The following CATSPER1 variants were observed in gnomAD, a reference collection of about 807,000 sequenced individuals.
CATSPER1 encodes the protein cation channel sperm-associated protein 1.
Under a neutral mutation model 72.7 loss-of-function variants are expected in CATSPER1, and 57 were observed. The ratio of observed to expected loss-of-function variants is 0.78; its 90% CI spans 0.63 to 0.98. The LOEUF is 0.98. Among genes scored for constraint, CATSPER1 ranks in the 50% least tolerant of loss-of-function variants. The pLI is 0.00. For missense variants in CATSPER1, 910 were observed against 1,033.9 expected, an observed-to-expected ratio of 0.88 and a Z score of 1.64; for synonymous variants, 363 against 403.0, an observed-to-expected ratio of 0.90 and a Z score of 1.19.
At position 66,016,945 on chromosome 11, in the gene CATSPER1, T is replaced by C. The variant is rs1288239762; in HGVS notation, c.2317-29A>G. 3 of 1,613,822 alleles carry C rather than the reference T, an allele frequency of 1.9e-6. No homozygotes were observed. In the African/African-American group the frequency reaches 4.0e-5, roughly 22 times the overall value. On this transcript the variant is annotated intron_variant, in intron 11 of 11. Coordinates refer to ENST00000312106, the MANE Select transcript of CATSPER1 (RefSeq NM_053054.4). The stretch of plus-strand genomic sequence containing the variant: ...CAGGGGTGAGTGGGGCACTGGTGGG[T>C]GAATGAGCCAGACTTTGCCTTCCCC...
chr11:66,017,187 G>GA lies in CATSPER1; in HGVS notation c.2202-14_2202-13insT. 7.0e-7 allele frequency: 1 copy of GA among 1,425,260 alleles called. No individual in the cohort carries two copies. Among genetic ancestry groups the GA allele is most frequent in the Non-Finnish European group, 9.7e-7 (1 of 1,032,170 alleles). The allele number at this position is 1,425,260 out of a possible 1,614,324, so 88.3% of individuals were successfully genotyped here. A position where few individuals can be genotyped will look rare whatever the true frequency, so the allele number is the denominator to read the frequency against. On this transcript the variant is annotated splice_polypyrimidine_tract_variant and intron_variant, in intron 10 of 11. Transcript: ENST00000312106. ...GAGCTCCTGCTGCCTGCGGGTGGGC[G>GA]GGGGGGTCGCAGAGACAGGGGCTGG...
chr11:66,017,019 G>T, intron 11 of CATSPER1, 41 bp downstream of exon 11: 3 of 1,612,258 alleles, frequency 1.9e-6, no homozygotes, highest in Non-Finnish European at 2.5e-6. Context: ...AAGCCCCTGG[G>T]GTTCCCCTCG....
In CATSPER1 at chr11:66,023,026, A is replaced by G; in HGVS notation, c.1252T>C (p.Ser418Pro). The change falls in exon 2 of 12, where the codon TCT (serine) becomes CCT (proline). Residue 418 changes from serine (S) to proline (P), a missense_variant. By Grantham distance (74) the Ser-to-Pro change is moderately conservative. Coordinates refer to ENST00000312106, the MANE Select transcript of CATSPER1 (RefSeq NM_053054.4). Reference protein sequence around the residue: ...RLQRTRKKGHSTNLFQWLWEK... With the variant: ...RLQRTRKKGHPTNLFQWLWEK... ...CACAGCCACTGGAAGAGATTGGTAGAGTGTCCCTTCTTGCGGGTCCGCTGG... is the reference window on the plus strand; with the variant it reads ...CACAGCCACTGGAAGAGATTGGTAGGGTGTCCCTTCTTGCGGGTCCGCTGG... The G allele has an allele frequency of 6.2e-7, 1 of 1,614,190 alleles. No individual in the cohort carries two copies. Among genetic ancestry groups the G allele is most frequent in the Non-Finnish European group, 8.5e-7 (1 of 1,180,024 alleles).
intron 4 of CATSPER1, 25 bp from the exon 5 acceptor site, chr11:66,021,210 G>T: frequency 6.2e-7 from 1 of 1,602,902 alleles, no homozygotes; most frequent in Non-Finnish European, 8.5e-7. Context: ...AGTGGGGACT[G>T]AGTCATCGGT....
chr11:66,020,038 CTG>C lies in CATSPER1; in HGVS notation c.2125+100_2125+101del, dbSNP rs1856320410. ...AGTCTCAAATTCTAAAACTCTAAAACTGAGTCTGGAATTCTGTGACTGTGGAA... is the reference window on the plus strand; with the variant it reads ...AGTCTCAAATTCTAAAACTCTAAAACAGTCTGGAATTCTGTGACTGTGGAA... On this transcript the variant is annotated intron_variant, in intron 9 of 11. Coordinates refer to ENST00000312106, the MANE Select transcript of CATSPER1 (RefSeq NM_053054.4). The surrounding 1 kb of genome is among the most constrained non-coding windows in gnomAD (Gnocchi z 4.5). 1 of 1,225,538 alleles carries C rather than the reference CTG, an allele frequency of 8.2e-7. No homozygotes were observed. The highest frequency in any genetic ancestry group is 2.7e-5 in the East Asian group (1 of 36,850). 75.9% of individuals were successfully genotyped at this position (1,225,538 alleles called of 1,614,324 possible).
At position 66,018,875 on chromosome 11, in the gene CATSPER1, G is replaced by T; in HGVS notation, c.2153C>A (p.Thr718Asn). The T allele has an allele frequency of 6.2e-7, 1 of 1,614,000 alleles. No individual in the cohort carries two copies. The highest frequency in any genetic ancestry group is 1.3e-5 in the African/African-American group (1 of 75,016). The part of the protein sequence containing the change: ...AEPKEVASEG[T>N]MLKRLIEKKF... ...TTTCTCGATGAGCCGCTTCAGCATGGTGCCTTCACTCGCCACCTCTTTGGG... is the reference window on the plus strand; with the variant it reads ...TTTCTCGATGAGCCGCTTCAGCATGTTGCCTTCACTCGCCACCTCTTTGGG... The change falls in exon 10 of 12, where the codon ACC (threonine) becomes AAC (asparagine). Residue 718 changes from threonine (T) to asparagine (N), a missense_variant. Physicochemically the swap from Thr to Asn is moderately conservative, Grantham distance 65. Coordinates refer to ENST00000312106, the MANE Select transcript of CATSPER1 (RefSeq NM_053054.4).
chr11:66,017,193 G>GGGGGGGGGGGGGGGGGGGGCCC lies in CATSPER1; in HGVS notation c.2202-20_2202-19insGGGCCCCCCCCCCCCCCCCCCC. On this transcript the variant is annotated intron_variant, in intron 10 of 11. Coordinates refer to ENST00000312106, the MANE Select transcript of CATSPER1 (RefSeq NM_053054.4). ...CTGCTGCCTGCGGGTGGGCGGGGGG[G>GGGGGGGGGGGGGGGGGGGGCCC]TCGCAGAGACAGGGGCTGGGCTGAC... 29 of 493,700 alleles carry GGGGGGGGGGGGGGGGGGGGCCC rather than the reference G, an allele frequency of 5.9e-5. No homozygotes were observed. The highest frequency in any genetic ancestry group is 1.1e-4 in the Non-Finnish European group (27 of 252,544). The allele number at this position is 493,700 out of a possible 1,614,324, so 30.6% of individuals were successfully genotyped here.
chr11:66,017,717 CAATG>C (rs1856267623), intron 10 of CATSPER1, among the ~76,000 whole-genome samples: 1 of 152,206 alleles, frequency 6.6e-6, no homozygotes. Context: ...ACACTGGAAA[CAATG>C]AACACAGCAA....
intron 1 of CATSPER1, among the ~76,000 whole-genome samples, chr11:66,024,148 T>A (rs1330497088): frequency 6.6e-6 from 1 of 151,428 alleles, no homozygotes; most frequent in Non-Finnish European, 1.5e-5. Context: ...ATTTTTTTGG[T>A]AGAGACAGGG....
Position 66,026,386 on chromosome 11 carries a change from G to T in CATSPER1, c.-7C>A. ...GCACTGAGTTTTGATCCATGACTGTGCTGGGAACTCTGGAGCCAAAAGAGC... is the reference window on the plus strand; with the variant it reads ...GCACTGAGTTTTGATCCATGACTGTTCTGGGAACTCTGGAGCCAAAAGAGC... On this transcript the variant is annotated 5_prime_UTR_variant, in exon 1 of 12. Transcript: ENST00000312106. The T allele has an allele frequency of 6.2e-7, 1 of 1,607,786 alleles. No individual in the cohort carries two copies.
At position 66,025,356 on chromosome 11, in the gene CATSPER1, C is replaced by T. The variant is rs976546319; in HGVS notation, c.1024G>A (p.Ala342Thr). 1.2e-6 allele frequency: 2 copies of T among 1,614,116 alleles called. No homozygotes were observed. Among genetic ancestry groups the T allele is most frequent in the Middle Eastern group, 1.6e-4 (1 of 6,062 alleles). The change falls in exon 1 of 12, where the codon GCT (alanine) becomes ACT (threonine). Residue 342 changes from alanine to threonine, a missense_variant. Coordinates refer to ENST00000312106, the MANE Select transcript of CATSPER1 (RefSeq NM_053054.4). ...GGGAAGACTCCTGTACGAGAAGCAGCAGGGCCGGGGGCATCGTGAATCAGG... is the reference window on the plus strand; with the variant it reads ...GGGAAGACTCCTGTACGAGAAGCAGTAGGGCCGGGGGCATCGTGAATCAGG... ...RSLIHDAPGP[A>T]ASRTGVFPYH...
rs1214714041 is a variant in CATSPER1, at chr11:66,020,550, G to C, written c.1991+14C>G. On this transcript the variant is annotated intron_variant, in intron 7 of 11. Transcript: ENST00000312106. This position sits in a 1 kb window ranked among gnomAD's most constrained non-coding sequence, Gnocchi z 4.5. ...TGGGTGGTGCTGGGCAGCAGAGCAGGGGTGAGTCCTCACTTGAGGAAGATG... is the reference window on the plus strand; with the variant it reads ...TGGGTGGTGCTGGGCAGCAGAGCAGCGGTGAGTCCTCACTTGAGGAAGATG... The C allele has an allele frequency of 6.2e-7, 1 of 1,609,140 alleles. No individual in the cohort carries two copies. The highest frequency in any genetic ancestry group is 8.5e-7 in the Non-Finnish European group (1 of 1,176,586).
intron 4 of CATSPER1, 104 bp from the exon 5 acceptor site, chr11:66,021,289 G>C: frequency 7.8e-7 from 1 of 1,285,368 alleles, no homozygotes; most frequent in Non-Finnish European, 1.1e-6. Context: ...CTCCTGACTT[G>C]TTGGTGACTT....
At position 66,026,147 on chromosome 11, in the gene CATSPER1, G is replaced by C; in HGVS notation, c.233C>G (p.Ser78Cys). ...ATTCCGTGCCTCGCTGTGGTGGTGAGATTGGTGGACATGGGAGGACAAGGC... is the reference window on the plus strand; with the variant it reads ...ATTCCGTGCCTCGCTGTGGTGGTGACATTGGTGGACATGGGAGGACAAGGC... ...DQALSSHVHQ[S>C]HHHSEARNHG... Residue 78 changes from serine to cysteine, a missense_variant, in exon 1 of 12, where the codon TCT (serine) becomes TGT (cysteine). Ser to Cys is a moderately radical substitution (Grantham distance 112). Coordinates refer to ENST00000312106, the MANE Select transcript of CATSPER1 (RefSeq NM_053054.4). 6.2e-7 allele frequency: 1 copy of C among 1,606,266 alleles called. No individual in the cohort carries two copies. Among genetic ancestry groups the C allele is most frequent in the Non-Finnish European group, 8.5e-7 (1 of 1,173,548 alleles).
At position 66,020,184 on chromosome 11, in the gene CATSPER1, T is replaced by G; in HGVS notation, c.2081A>C (p.Gln694Pro). ...CAGTGAGTCTTCCAGCAGCTTCTCT[T>G]GGATCCGGGCGGCCCTCTGGGAAGA... ...KAKQERAARI[Q>P]EKLLEDSLTE... Residue 694 changes from glutamine to proline, a missense_variant, in exon 9 of 12, where the codon CAA becomes CCA. Coordinates refer to ENST00000312106, the MANE Select transcript of CATSPER1 (RefSeq NM_053054.4). This position sits in a 1 kb window ranked among gnomAD's most constrained non-coding sequence, Gnocchi z 4.5. 6.2e-7 allele frequency: 1 copy of G among 1,613,700 alleles called. No individual in the cohort carries two copies. Among genetic ancestry groups the G allele is most frequent in the African/African-American group, 1.3e-5 (1 of 75,054 alleles).
rs140647274 is a variant in CATSPER1 at position 66,023,466 on chromosome 11, G to A, written c.1217-405C>T. ...CTCAGCATGAGCCTCACACAAGCCCGGATTCCCAGGCTCTCTCCAGCTCTG... is the reference window on the plus strand; with the variant it reads ...CTCAGCATGAGCCTCACACAAGCCCAGATTCCCAGGCTCTCTCCAGCTCTG... On this transcript the variant is annotated intron_variant, in intron 1 of 11. Coordinates refer to ENST00000312106, the MANE Select transcript of CATSPER1 (RefSeq NM_053054.4). Among the ~76,000 whole-genome samples the A allele has an allele frequency of 3.5e-3, 537 of 152,246 alleles. 4 individuals are homozygous for A. Among genetic ancestry groups the A allele is most frequent in the African/African-American group, 0.012 (501 of 41,554 alleles).
chr11:66,025,800 T>C lies in CATSPER1; in HGVS notation c.580A>G (p.Ser194Gly), dbSNP rs1032695086. 1.2e-6 allele frequency: 2 copies of C among 1,613,264 alleles called. No individual in the cohort carries two copies. Among genetic ancestry groups the C allele is most frequent in the African/African-American group, 1.3e-5 (1 of 74,838 alleles). Residue 194 changes from serine (S) to glycine (G), a missense_variant, in exon 1 of 12, where the codon AGC becomes GGC. Coordinates refer to ENST00000312106, the MANE Select transcript of CATSPER1 (RefSeq NM_053054.4). ...PNPYSESFHHSEASHLSGLQH... is the reference protein window; with the variant it reads ...PNPYSESFHHGEASHLSGLQH... ...AGCCCGCTAAGGTGGGAAGCCTCGCTGTGGTGGAAGGACTCACTGTAGGGA... is the reference window on the plus strand; with the variant it reads ...AGCCCGCTAAGGTGGGAAGCCTCGCCGTGGTGGAAGGACTCACTGTAGGGA...
intron 2 of CATSPER1, among the ~76,000 whole-genome samples, chr11:66,022,264 C>T (rs1403422020): frequency 1.3e-5 from 2 of 152,126 alleles, no homozygotes; most frequent in African/African-American, 2.4e-5. Flanking sequence ...CACTTGAACC[C>T]GGGAGGCGGA....
chr11:66,018,966 A>T (rs1856297428), intron 9 of CATSPER1, 64 bp from the exon 10 acceptor site: 1 of 1,368,850 alleles, frequency 7.3e-7, no homozygotes, highest in African/African-American at 1.4e-5. Flanking sequence ...GAGGAACCCC[A>T]TGTGTCAGGA....
Sources: allele counts gnomAD v4.1 joint callset (sites outside exome capture counted in the v4.1 genomes callset), GRCh38; gene constraint gnomAD v4.1.1; non-coding constraint Gnocchi (gnomAD v3.1); transcripts MANE v1.5; gene names NCBI Gene and HGNC (gene_info 2026-07-23, HGNC 2026-07-21).